The following PLEKHM3 variants were observed in gnomAD, a reference collection of about 807,000 sequenced individuals.
The protein encoded by PLEKHM3 is pleckstrin homology domain-containing family M member 3.
A neutral mutation model predicts 81.8 loss-of-function variants in PLEKHM3; 45 were observed. The observed-to-expected ratio is 0.55, with a 90% confidence interval of 0.43 to 0.71. The LOEUF is 0.71. Among genes scored for constraint, PLEKHM3 ranks in the 30% least tolerant of loss-of-function variants. The pLI is 0.00. For missense variants in PLEKHM3, 788 were observed against 924.3 expected, an observed-to-expected ratio of 0.85 and a Z score of 1.91; for synonymous variants, 352 against 356.4, an observed-to-expected ratio of 0.99 and a Z score of 0.14.
At position 207,865,801 on chromosome 2, in the gene PLEKHM3, A is replaced by AAAAAAAAAAAAAATATATATAT; in HGVS notation, c.1951-4540_1951-4539insATATATATATTTTTTTTTTTTT. Reference sequence around the variant, plus strand: ...CGACTCAAAAAAAAAAAAAAAAAAAAAGATATATATATATATATATATATA... The same window carrying AAAAAAAAAAAAAATATATATAT: ...CGACTCAAAAAAAAAAAAAAAAAAAAAAAAAAAAAAAAATATATATATAGATATATATATATATATATATATA... On this transcript the variant is annotated intron_variant, in intron 6 of 7. Transcript: ENST00000427836. 1.2e-4 allele frequency among the ~76,000 whole-genome samples: 3 copies of AAAAAAAAAAAAAATATATATAT among 25,300 alleles called. 1 individual carries two copies. The highest frequency in any genetic ancestry group is 2.3e-4 in the Non-Finnish European group (3 of 13,198). The allele number at this position is 25,300 out of a possible 152,430, so 16.6% of individuals were successfully genotyped here. A position where few individuals can be genotyped will look rare whatever the true frequency, so the allele number is the denominator to read the frequency against.
At chr2:207,893,881 C>T (rs994565641) in intron 6 of PLEKHM3, among the ~76,000 whole-genome samples, 4 of 152,130 alleles carry the variant, frequency 2.6e-5, no homozygotes, top group African/African-American at 7.2e-5. Context: ...TTTGGGAGGC[C>T]GAGGTGGGAG....
At chr2:207,891,623 G>C (rs138719212) in intron 6 of PLEKHM3, among the ~76,000 whole-genome samples, 1 of 152,104 alleles carries the variant, frequency 6.6e-6, no homozygotes, top group Non-Finnish European at 1.5e-5. Flanking sequence ...ACTTGAACTC[G>C]GGACCGAGCA....
intron 7 of PLEKHM3, among the ~76,000 whole-genome samples, chr2:207,831,748 AG>A (rs2092289896): frequency 6.6e-6 from 1 of 152,046 alleles, no homozygotes; most frequent in South Asian, 2.1e-4. Flanking sequence ...TCCTCCTTCC[AG>A]TGAGGATAAA....
At chr2:207,897,790 T>C (rs1170777938) in intron 6 of PLEKHM3, among the ~76,000 whole-genome samples, 1 of 152,196 alleles carries the variant, frequency 6.6e-6, no homozygotes, top group African/African-American at 2.4e-5. Context: ...TTGATTTCTA[T>C]TTAATTTTCT....
rs1692298414 is a variant in PLEKHM3 at position 208,001,409 on chromosome 2, C to T, written c.231G>A (p.Lys77=). Residue 77 remains lysine (K), a synonymous_variant, in exon 2 of 8, where the codon AAG becomes AAA. Coordinates refer to ENST00000427836, the MANE Select transcript of PLEKHM3 (RefSeq NM_001080475.3). ...GKGGMIWDHC[K]SRLLETKAQN... is the part of the protein sequence containing the mutation. ...GAGCTTTGGTTTCTAAGAGCCTGCT[C>T]TTACAGTGGTCCCAAATCATGCCCC... The T allele has an allele frequency of 6.2e-7, 1 of 1,614,180 alleles. No homozygotes were observed. Among genetic ancestry groups the T allele is most frequent in the Non-Finnish European group, 8.5e-7 (1 of 1,180,034 alleles).
intron 3 of PLEKHM3, among the ~76,000 whole-genome samples, chr2:207,949,106 T>C (rs549724579): frequency 6.6e-6 from 1 of 152,348 alleles, no homozygotes; most frequent in South Asian, 2.1e-4. Context: ...AAACTGTATA[T>C]ATATACAGAA....
intron 6 of PLEKHM3, among the ~76,000 whole-genome samples, chr2:207,885,673 T>C (rs1199451446): frequency 6.6e-6 from 1 of 152,194 alleles, no homozygotes; most frequent in Admixed American, 6.5e-5. Flanking sequence ...TTTGGAAGGG[T>C]ATATGAAATA....
At position 207,977,290 on chromosome 2, in the gene PLEKHM3, G is replaced by A. The variant is rs1351466536; in HGVS notation, c.907C>T (p.Leu303Phe). 1.9e-6 allele frequency: 3 copies of A among 1,614,050 alleles called. No homozygotes were observed. The highest frequency in any genetic ancestry group is 2.5e-6 in the Non-Finnish European group (3 of 1,180,046). The change falls in exon 3 of 8, where the codon CTT becomes TTT. Residue 303 changes from leucine (L) to phenylalanine (F), a missense_variant. Physicochemically the swap from Leu to Phe is conservative, Grantham distance 22. Coordinates refer to ENST00000427836, the MANE Select transcript of PLEKHM3 (RefSeq NM_001080475.3). ...PWEALDWGQKLWEVVHAAVPG... is the reference protein window; with the variant it reads ...PWEALDWGQKFWEVVHAAVPG... ...ACAGCAGCATGCACTACTTCCCAAAGCTTCTGTCCCCAGTCCAAAGCCTCC... is the reference window on the plus strand; with the variant it reads ...ACAGCAGCATGCACTACTTCCCAAAACTTCTGTCCCCAGTCCAAAGCCTCC...
At chr2:207,901,257 G>GATCCTTCA (rs1688417653) in intron 6 of PLEKHM3, 1 of 702,940 alleles carries the variant, frequency 1.4e-6, no homozygotes, top group African/African-American at 1.7e-5. Context: ...GAGCTCCCCC[G>GATCCTTCA]ATCCTTCAAT....
chr2:207,935,386 C>T (rs963728722), intron 4 of PLEKHM3, among the ~76,000 whole-genome samples: 2 of 152,038 alleles, frequency 1.3e-5, no homozygotes, highest in Admixed American at 1.3e-4. Context: ...AAGATCCAGC[C>T]CGGACCCCCA....
intron 6 of PLEKHM3, among the ~76,000 whole-genome samples, chr2:207,880,641 T>C (rs376551748): frequency 1.4e-5 from 2 of 146,844 alleles, no homozygotes; most frequent in South Asian, 2.1e-4. Context: ...CGGGCGCCTG[T>C]AGTCCCAGCT....
chr2:207,980,288 T>C (rs866910731), intron 2 of PLEKHM3, among the ~76,000 whole-genome samples: 1 of 152,176 alleles, frequency 6.6e-6, no homozygotes, highest in Non-Finnish European at 1.5e-5. Context: ...GCAGCAAGCC[T>C]GGCTAAAACC....
chr2:207,859,136 CTTTTTTTTTTT>C (rs371493664), intron 7 of PLEKHM3, among the ~76,000 whole-genome samples: 1 of 118,356 alleles, frequency 8.4e-6, no homozygotes, highest in Non-Finnish European at 1.7e-5. Flanking sequence ...TTTTCTTTTT[CTTTTTTTTTTT>C]TTTTTTTGAG....
chr2:208,017,786 C>T (rs1172738698), intron 1 of PLEKHM3, among the ~76,000 whole-genome samples: 4 of 152,064 alleles, frequency 2.6e-5, no homozygotes, highest in Admixed American at 6.6e-5. Context: ...TTTGCTAAAC[C>T]CTAAAGACTT....
chr2:208,003,755 T>A (rs73064902), intron 1 of PLEKHM3, among the ~76,000 whole-genome samples: 1 of 152,168 alleles, frequency 6.6e-6, no homozygotes, highest in Non-Finnish European at 1.5e-5. Flanking sequence ...AGGGTTTTAG[T>A]GCTTCTGTAA....
chr2:207,933,801 C>T (rs1267817977), intron 4 of PLEKHM3, among the ~76,000 whole-genome samples: 2 of 152,228 alleles, frequency 1.3e-5, no homozygotes, highest in East Asian at 3.8e-4. Context: ...GCTGCCTTCA[C>T]CAGTTGTTAC....
chr2:208,021,204 T>C (rs541680834), intron 1 of PLEKHM3, among the ~76,000 whole-genome samples: 1 of 152,386 alleles, frequency 6.6e-6, no homozygotes, highest in African/African-American at 2.4e-5. Flanking sequence ...GTTTTCCTAA[T>C]CAGGCACCAT....
chr2:207,838,356 T>C (rs983620583), intron 7 of PLEKHM3, among the ~76,000 whole-genome samples: 8 of 152,342 alleles, frequency 5.3e-5, no homozygotes, highest in African/African-American at 1.7e-4. Flanking sequence ...AGGTTTTCCC[T>C]GATGGCAGCC....
chr2:207,948,834 C>G (rs1025476035), intron 3 of PLEKHM3, among the ~76,000 whole-genome samples: 1 of 151,970 alleles, frequency 6.6e-6, no homozygotes, highest in Admixed American at 6.5e-5. Flanking sequence ...TGAGCCACCG[C>G]GCCTGGCCAA....
Sources: allele counts gnomAD v4.1 joint callset (sites outside exome capture counted in the v4.1 genomes callset), GRCh38; gene constraint gnomAD v4.1.1; transcripts MANE v1.5; gene names NCBI Gene and HGNC (gene_info 2026-07-23, HGNC 2026-07-21).